The following PCYOX1L variants were observed in gnomAD, a reference collection of about 807,000 sequenced individuals.
The protein encoded by PCYOX1L is prenylcysteine oxidase 1-like.
Under a neutral mutation model 44.1 loss-of-function variants are expected in PCYOX1L, and 40 were observed. The ratio of observed to expected loss-of-function variants is 0.91; its 90% CI spans 0.70 to 1.18. The LOEUF is 1.18. Among genes scored for constraint, PCYOX1L ranks in the 50% most tolerant of loss-of-function variants. PCYOX1L has a pLI of 0.00. For missense variants in PCYOX1L, 605 were observed against 653.3 expected (o/e 0.93, Z 0.81); for synonymous variants, 266 against 282.8 (o/e 0.94, Z 0.60).
In PCYOX1L at chr5:149,368,871, C is replaced by A; in HGVS notation, c.*217C>A. Reference sequence around the variant, plus strand: ...GGAAAGTAAGAAAAGAGAAGGAAATCCAAGCCAGTATATTTGTTTTATTTA... The same window carrying A: ...GGAAAGTAAGAAAAGAGAAGGAAATACAAGCCAGTATATTTGTTTTATTTA... On this transcript the variant is annotated 3_prime_UTR_variant, in exon 6 of 6. Coordinates refer to ENST00000274569, the MANE Select transcript of PCYOX1L (RefSeq NM_024028.4). The A allele has an allele frequency of 2.4e-6, 1 of 411,918 alleles. No homozygotes were observed. Among genetic ancestry groups the A allele is most frequent in the Non-Finnish European group, 4.2e-6 (1 of 235,870 alleles). The allele number at this position is 411,918 out of a possible 1,614,324, so 25.5% of individuals were successfully genotyped here. A position where few individuals can be genotyped will look rare whatever the true frequency, so the allele number is the denominator to read the frequency against.
chr5:149,358,415 A>T (rs989078613), intron 1 of PCYOX1L, among the ~76,000 whole-genome samples: 5 of 152,234 alleles, frequency 3.3e-5, no homozygotes, highest in African/African-American at 1.2e-4. Context: ...CGGGAGGTCC[A>T]GGGTCGCTGA....
At chr5:149,359,038 A>G (rs1177775537) in intron 1 of PCYOX1L, among the ~76,000 whole-genome samples, 1 of 152,164 alleles carries the variant, frequency 6.6e-6, no homozygotes, top group Admixed American at 6.5e-5. Context: ...CATTGACTAG[A>G]GTGTCATATG....
At chr5:149,366,186 CCCT>C in intron 4 of PCYOX1L, 33 bp downstream of exon 4, 1 of 1,596,158 alleles carries the variant, frequency 6.3e-7, no homozygotes, top group Non-Finnish European at 8.5e-7. Context: ...GCCCACCTGC[CCCT>C]CCTCCACCCA....
intron 3 of PCYOX1L, 31 bp from the exon 4 acceptor site, chr5:149,365,911 C>G: frequency 6.2e-7 from 1 of 1,611,432 alleles, no homozygotes; most frequent in South Asian, 1.1e-5. Flanking sequence ...AGCCTTCCTG[C>G]ACAAGGACTC....
At chr5:149,367,642 C>T in intron 5 of PCYOX1L, 142 bp downstream of exon 5, 1 of 1,207,104 alleles carries the variant, frequency 8.3e-7, no homozygotes, top group South Asian at 1.6e-5. Context: ...CCAACCCTGC[C>T]AGGTGACACT....
rs377645830 is a variant in PCYOX1L at position 149,365,948 on chromosome 5, T to C, written c.477T>C (p.Tyr159=). The C allele has an allele frequency of 1.2e-6, 2 of 1,614,158 alleles. No homozygotes were observed. Among genetic ancestry groups the C allele is most frequent in the Non-Finnish European group, 1.7e-6 (2 of 1,180,024 alleles). ...AGCTCTATGTGTCTTCTAGGATCTA[T>C]AAGTACCAGGCCCACGGCTATGCCT... is the stretch of plus-strand genomic sequence containing the variant. ...EEVMEKFMRI[Y]KYQAHGYAFS... is the part of the protein sequence containing the mutation. The change falls in exon 4 of 6, where the codon TAT becomes TAC. Residue 159 remains tyrosine, a synonymous_variant. Transcript: ENST00000274569.
At position 149,368,064 on chromosome 5, in the gene PCYOX1L, G is replaced by C. The variant is rs757131774; in HGVS notation, c.895G>C (p.Val299Leu). 2.4e-5 allele frequency: 39 copies of C among 1,598,248 alleles called. 1 individual carries two copies. The South Asian group carries it at 4.4e-4, about 18-fold the overall frequency. Residue 299 changes from valine (V) to leucine (L), a missense_variant, in exon 6 of 6, where the codon GTC (valine) becomes CTC (leucine). By Grantham distance (32) the Val-to-Leu change is conservative. Transcript: ENST00000274569. ...CAGCTCTGACTTCTATGACATCGTG[G>C]TCATCGCCACCCCCCTGCACCTGGA... ...GNSSDFYDIV[V>L]IATPLHLDNS... is the part of the protein sequence containing the mutation.
At position 149,358,079 on chromosome 5, in the gene PCYOX1L, C is replaced by A. The variant is rs945320462; in HGVS notation, c.11C>A (p.Ala4Glu). Reference protein sequence around the residue: MARAAPLLAALTAL... With the variant: MAREAPLLAALTAL... ...CGCTCGCCGCCCGCCATGGCCCGCG[C>A]AGCCCCGCTGCTCGCCGCGTTGACC... is the stretch of plus-strand genomic sequence containing the variant. The change falls in exon 1 of 6, where the codon GCA (alanine) becomes GAA (glutamate). Residue 4 changes from alanine to glutamate, a missense_variant. Coordinates refer to ENST00000274569, the MANE Select transcript of PCYOX1L (RefSeq NM_024028.4). 10 of 1,411,574 alleles carry A rather than the reference C, an allele frequency of 7.1e-6. No individual in the cohort carries two copies. Among genetic ancestry groups the A allele is most frequent in the South Asian group, 1.5e-5 (1 of 67,402 alleles). 87.4% of individuals were successfully genotyped at this position (1,411,574 alleles called of 1,614,324 possible).
chr5:149,362,919 C>G (rs1247779831), intron 2 of PCYOX1L, 76 bp downstream of exon 2: 1 of 1,504,290 alleles, frequency 6.6e-7, no homozygotes, highest in South Asian at 1.1e-5. Flanking sequence ...CTCAGACTTC[C>G]CAGACCATCA....
chr5:149,367,877 A>G (rs1368092540), intron 5 of PCYOX1L, 116 bp from the exon 6 acceptor site: 14 of 1,131,384 alleles, frequency 1.2e-5, no homozygotes, highest in Non-Finnish European at 1.6e-5. Flanking sequence ...CCATTTAGAC[A>G]GCCCTGCTGC....
intron 1 of PCYOX1L, among the ~76,000 whole-genome samples, chr5:149,360,007 TCA>T (rs1157740407): frequency 6.6e-6 from 1 of 152,232 alleles, no homozygotes; most frequent in East Asian, 1.9e-4. Flanking sequence ...GCGTGTCCTC[TCA>T]CTGACAAAGC....
In PCYOX1L at chr5:149,367,429, C is replaced by G; in HGVS notation, c.752C>G (p.Ser251Cys). The G allele has an allele frequency of 6.2e-7, 1 of 1,613,958 alleles. No homozygotes were observed. The highest frequency in any genetic ancestry group is 8.5e-7 in the Non-Finnish European group (1 of 1,179,902). ...GAAGGAGGCAATAAGCTGGTTTGTTCCGGTTTGCTGAAGCTCACCAAGGCC... is the reference window on the plus strand; with the variant it reads ...GAAGGAGGCAATAAGCTGGTTTGTTGCGGTTTGCTGAAGCTCACCAAGGCC... ...SVEGGNKLVC[S>C]GLLKLTKANV... Residue 251 changes from serine (S) to cysteine (C), a missense_variant, in exon 5 of 6, where the codon TCC becomes TGC. Coordinates refer to ENST00000274569, the MANE Select transcript of PCYOX1L (RefSeq NM_024028.4).
At position 149,367,354 on chromosome 5, in the gene PCYOX1L, G is replaced by A. The variant is rs753935868; in HGVS notation, c.683-6G>A. The A allele has an allele frequency of 4.4e-6, 7 of 1,608,184 alleles. No individual in the cohort carries two copies. Among genetic ancestry groups the A allele is most frequent in the Non-Finnish European group, 5.9e-6 (7 of 1,177,728 alleles). ...CCTATCAGCACCCACTTCCCGCTTT[G>A]CCCAGGAGCCATGTCACTAGCCGGG... On this transcript the variant is annotated splice_polypyrimidine_tract_variant and splice_region_variant and intron_variant, in intron 4 of 5. Coordinates refer to ENST00000274569, the MANE Select transcript of PCYOX1L (RefSeq NM_024028.4).
At position 149,368,685 on chromosome 5, in the gene PCYOX1L, C is replaced by G. The variant is rs1339283831; in HGVS notation, c.*31C>G. ...CTAGGGAGAGCCTGGGAACTTTCAT[C>G]CCCCACTGAAGATGGATCATCCCAC... On this transcript the variant is annotated 3_prime_UTR_variant, in exon 6 of 6. Transcript: ENST00000274569. The G allele has an allele frequency of 6.7e-7, 1 of 1,495,416 alleles. No individual in the cohort carries two copies. Among genetic ancestry groups the G allele is most frequent in the Admixed American group, 2.3e-5 (1 of 43,480 alleles). The allele number at this position is 1,495,416 out of a possible 1,614,324, so 92.6% of individuals were successfully genotyped here. A position where few individuals can be genotyped will look rare whatever the true frequency, so the allele number is the denominator to read the frequency against.
intron 4 of PCYOX1L, among the ~76,000 whole-genome samples, chr5:149,366,722 A>G (rs892747197): frequency 2.0e-5 from 3 of 152,220 alleles, no homozygotes; most frequent in African/African-American, 7.2e-5. Flanking sequence ...AAAGGTTTAC[A>G]ATAACAAGCA....
At position 149,361,462 on chromosome 5, in the gene PCYOX1L, A is replaced by G. The variant is rs537954011; in HGVS notation, c.89-1175A>G. The stretch of plus-strand genomic sequence containing the variant: ...GGAAACATTCTTATCAGTGACTTCG[A>G]TGAGAATAGTGATGGCATGTAAACC... On this transcript the variant is annotated intron_variant, in intron 1 of 5. Transcript: ENST00000274569. Among the ~76,000 whole-genome samples the G allele has an allele frequency of 3.3e-5, 5 of 152,340 alleles. No individual in the cohort carries two copies. The South Asian group carries it at 1.0e-3, about 32-fold the overall frequency.
chr5:149,368,735 T>A lies in PCYOX1L; in HGVS notation c.*81T>A. On this transcript the variant is annotated 3_prime_UTR_variant, in exon 6 of 6. Coordinates refer to ENST00000274569, the MANE Select transcript of PCYOX1L (RefSeq NM_024028.4). The stretch of plus-strand genomic sequence containing the variant: ...CAGCAGCCCAGGACTGAATAAGCCA[T>A]GCTCGCCCACCAGGCTTCTTTCTGA... 1 of 1,368,818 alleles carries A rather than the reference T, an allele frequency of 7.3e-7. No individual in the cohort carries two copies. The highest frequency in any genetic ancestry group is 9.6e-7 in the Non-Finnish European group (1 of 1,037,326). 84.8% of individuals were successfully genotyped at this position (1,368,818 alleles called of 1,614,324 possible).
In PCYOX1L at chr5:149,358,125, T is replaced by C. The variant is rs1210707001; in HGVS notation, c.57T>C (p.Ala19=). 6.9e-7 allele frequency: 1 copy of C among 1,457,802 alleles called. No homozygotes were observed. Among genetic ancestry groups the C allele is most frequent in the Non-Finnish European group, 9.0e-7 (1 of 1,107,926 alleles). 90.3% of individuals were successfully genotyped at this position (1,457,802 alleles called of 1,614,324 possible). ...AALTALLAAA[A]AGGDAPPGKI... ...TGACCGCGCTCCTCGCCGCCGCCGC[T>C]GCTGGCGGAGATGCCCCGCCGGGCA... Residue 19 remains alanine, a synonymous_variant, in exon 1 of 6, where the codon GCT becomes GCC. Transcript: ENST00000274569.
intron 1 of PCYOX1L, among the ~76,000 whole-genome samples, chr5:149,359,826 G>T (rs978384676): frequency 1.3e-5 from 2 of 152,172 alleles, no homozygotes; most frequent in African/African-American, 4.8e-5. Context: ...GTTCATCCTT[G>T]GTGGTTTGGA....
Sources: gnomAD v4.1 joint callset for allele counts (sites outside exome capture counted in the v4.1 genomes callset) on GRCh38, gnomAD v4.1.1 for gene constraint, MANE v1.5 for transcripts, NCBI Gene and HGNC (gene_info 2026-07-23, HGNC 2026-07-21) for gene names.